PRR5L: variants seen among roughly 807,000 people sequenced by gnomAD.
The protein encoded by PRR5L is proline-rich protein 5-like.
Under a neutral mutation model 36.4 loss-of-function variants are expected in PRR5L, and 21 were observed. The observed-to-expected ratio is 0.58, with a 90% confidence interval of 0.41 to 0.83. PRR5L has a LOEUF of 0.83. Ranked by LOEUF, PRR5L falls within the 40% of genes least tolerant of loss-of-function variation. PRR5L has a pLI of 0.00. For missense variants in PRR5L, 381 were observed against 473.3 expected (o/e 0.80, Z 1.81); for synonymous variants, 188 against 197.0 (o/e 0.95, Z 0.38).
intron 7 of PRR5L, among the ~76,000 whole-genome samples, chr11:36,447,702 CTCTT>C (rs1858860967): frequency 6.6e-6 from 1 of 152,222 alleles, no homozygotes. Context: ...AGCTGGTGCT[CTCTT>C]TCAGTCCTTG....
chr11:36,369,212 G>A (rs529686523), intron 1 of PRR5L, among the ~76,000 whole-genome samples: 61 of 152,308 alleles, frequency 4.0e-4, no homozygotes, highest in African/African-American at 1.4e-3. Context: ...AGGGCATAAG[G>A]TGGCCAGTCC....
At chr11:36,393,994 C>CTT (rs1305476090) in intron 1 of PRR5L, 1 of 152,216 alleles carries the variant, frequency 6.6e-6, no homozygotes, top group East Asian at 1.9e-4. Context: ...TGATCGTGGA[C>CTT]TTCTAGCCTC....
intron 3 of PRR5L, among the ~76,000 whole-genome samples, chr11:36,413,622 GT>G (rs1858074462): frequency 6.6e-6 from 1 of 151,904 alleles, no homozygotes; most frequent in Non-Finnish European, 1.5e-5. Context: ...TTCTTCCAGA[GT>G]TTCTTTATGC....
rs550530881 is a variant in PRR5L at position 36,377,298 on chromosome 11, G to A, written c.-125-23699G>A. Among the ~76,000 whole-genome samples the A allele has an allele frequency of 2.0e-5, 3 of 152,322 alleles. No individual in the cohort carries two copies. The highest frequency in any genetic ancestry group is 4.8e-5 in the African/African-American group (2 of 41,580). On this transcript the variant is annotated intron_variant, in intron 1 of 8. Coordinates refer to ENST00000530639, the MANE Select transcript of PRR5L (RefSeq NM_001160167.2). The surrounding 1 kb of genome is among the most constrained non-coding windows in gnomAD (Gnocchi z 5.1). ...CCAGGGCCCAGCCAGTGGGGATCCC[G>A]CCGGGACGGGCTGTGAGCAAGCCCT...
chr11:36,366,232 G>T (rs747708627), intron 1 of PRR5L, among the ~76,000 whole-genome samples: 2 of 152,142 alleles, frequency 1.3e-5, no homozygotes, highest in Non-Finnish European at 2.9e-5. Flanking sequence ...TCTATAAAAT[G>T]GGGATAATAA....
In PRR5L at chr11:36,385,613, C is replaced by T. The variant is rs148562628; in HGVS notation, c.-125-15384C>T. On this transcript the variant is annotated intron_variant, in intron 1 of 8. Coordinates refer to ENST00000530639, the MANE Select transcript of PRR5L (RefSeq NM_001160167.2). ...GACTCTTCTCTCTGCACTCGGTTTCCAGTAGCGCCTGAGAAAGTTGTCTCT... is the reference window on the plus strand; with the variant it reads ...GACTCTTCTCTCTGCACTCGGTTTCTAGTAGCGCCTGAGAAAGTTGTCTCT... 1.3e-3 allele frequency among the ~76,000 whole-genome samples: 198 copies of T among 152,352 alleles called. 1 individual carries two copies. Among genetic ancestry groups the T allele is most frequent in the African/African-American group, 4.5e-3 (189 of 41,582 alleles).
chr11:36,388,670 T>A (rs1222803940), intron 1 of PRR5L, among the ~76,000 whole-genome samples: 1 of 151,908 alleles, frequency 6.6e-6, no homozygotes, highest in Non-Finnish European at 1.5e-5. Flanking sequence ...GTTTAGCCTT[T>A]CTTTCATTCA....
chr11:36,393,480 T>G (rs1857599980), intron 1 of PRR5L, among the ~76,000 whole-genome samples: 1 of 152,194 alleles, frequency 6.6e-6, no homozygotes, highest in African/African-American at 2.4e-5. Flanking sequence ...AAAAATTAGT[T>G]CACTCTAAAT....
chr11:36,324,578 C>T (rs1374096609), intron 1 of PRR5L, among the ~76,000 whole-genome samples: 1 of 152,000 alleles, frequency 6.6e-6, no homozygotes, highest in Non-Finnish European at 1.5e-5. Context: ...TATGTACCCA[C>T]AAAAATTAAA....
At chr11:36,354,546 G>C (rs1001611116) in intron 1 of PRR5L, among the ~76,000 whole-genome samples, 1 of 152,208 alleles carries the variant, frequency 6.6e-6, no homozygotes, top group African/African-American at 2.4e-5. Flanking sequence ...CAGTCATAAT[G>C]AAAGTAGAGG....
intron 5 of PRR5L, among the ~76,000 whole-genome samples, chr11:36,434,915 G>A (rs141308359): frequency 7.8e-4 from 118 of 152,182 alleles, no homozygotes; most frequent in Non-Finnish European, 1.2e-3. Flanking sequence ...CTGCTGCTGG[G>A]TTGCAGAATT....
chr11:36,337,234 G>A (rs143957850), intron 1 of PRR5L, among the ~76,000 whole-genome samples: 3 of 152,260 alleles, frequency 2.0e-5, no homozygotes, highest in African/African-American at 4.8e-5. Context: ...CCTTTCAGAG[G>A]TGATTAGGCC....
At chr11:36,400,714 C>T (rs1289346584) in intron 1 of PRR5L, among the ~76,000 whole-genome samples, 1 of 152,192 alleles carries the variant, frequency 6.6e-6, no homozygotes. Flanking sequence ...CTGATGGCTG[C>T]ATATTGGAAC....
chr11:36,437,506 A>G, intron 6 of PRR5L, 30 bp downstream of exon 6: 2 of 1,337,856 alleles, frequency 1.5e-6, no homozygotes, highest in Non-Finnish European at 2.1e-6. Context: ...ACTTCCTGCC[A>G]TCCTCAGCGA....
intron 8 of PRR5L, among the ~76,000 whole-genome samples, chr11:36,453,760 A>G (rs958920188): frequency 1.3e-5 from 2 of 152,186 alleles, no homozygotes; most frequent in African/African-American, 4.8e-5. Flanking sequence ...GTCCCAGGGC[A>G]CAGGGATTTC....
chr11:36,404,918 C>T (rs951761272), intron 3 of PRR5L, among the ~76,000 whole-genome samples: 1 of 152,154 alleles, frequency 6.6e-6, no homozygotes, highest in Non-Finnish European at 1.5e-5. Context: ...TGGGGTCAGC[C>T]AACACACACG....
intron 3 of PRR5L, among the ~76,000 whole-genome samples, chr11:36,414,121 C>T (rs898275688): frequency 4.0e-5 from 6 of 150,992 alleles, no homozygotes; most frequent in African/African-American, 1.5e-4. Context: ...CATTGTTGGA[C>T]ATTTGGGTTG....
chr11:36,418,530 C>T (rs1858194885), intron 3 of PRR5L, among the ~76,000 whole-genome samples: 1 of 152,206 alleles, frequency 6.6e-6, no homozygotes, highest in Admixed American at 6.5e-5. Context: ...CCCGCGGTGG[C>T]TCACACCTGT....
At chr11:36,374,459 A>G (rs1179852694) in intron 1 of PRR5L, among the ~76,000 whole-genome samples, 1 of 152,014 alleles carries the variant, frequency 6.6e-6, no homozygotes, top group African/African-American at 2.4e-5. Flanking sequence ...AAAAAAAAAA[A>G]GCAGAGTTGA....
Sources: gnomAD v4.1 joint callset for allele counts (sites outside exome capture counted in the v4.1 genomes callset) on GRCh38, gnomAD v4.1.1 for gene constraint, Gnocchi (gnomAD v3.1) non-coding constraint, MANE v1.5 for transcripts, NCBI Gene and HGNC (gene_info 2026-07-23, HGNC 2026-07-21) for gene names.